The following BBX variants were observed in gnomAD, a reference collection of about 807,000 sequenced individuals.
BBX encodes BBX high mobility group box domain containing.
A neutral mutation model predicts 100.2 loss-of-function variants in BBX; 30 were observed. That is an observed-to-expected ratio of 0.30 (90% CI 0.22 to 0.41). The LOEUF (loss-of-function observed/expected upper bound fraction) is 0.41, where lower values mean the gene tolerates loss of function less well. Among genes scored for constraint, BBX ranks in the 10% least tolerant of loss-of-function variants. The pLI, the probability that BBX is intolerant of heterozygous loss-of-function variation, is 1.00. For missense variants in BBX, 1,023 were observed against 1,129.8 expected (o/e 0.91, Z 1.35); for synonymous variants, 376 against 388.1 (o/e 0.97, Z 0.37).
At chr3:107,747,225 G>T (rs1576614837) in intron 8 of BBX, among the ~76,000 whole-genome samples, 1 of 151,052 alleles carries the variant, frequency 6.6e-6, no homozygotes, top group African/African-American at 2.5e-5. Context: ...ACACTAACGT[G>T]TGAGTGTGTG....
At chr3:107,564,296 T>C (rs1417421040) in intron 2 of BBX, among the ~76,000 whole-genome samples, 1 of 152,164 alleles carries the variant, frequency 6.6e-6, no homozygotes, top group African/African-American at 2.4e-5. Context: ...TTTGACTATA[T>C]GTATGTATGT....
rs561067253 is a variant in BBX at position 107,654,634 on chromosome 3, T to G, written c.-10+8725T>G. 3.9e-5 allele frequency among the ~76,000 whole-genome samples: 6 copies of G among 152,316 alleles called. No homozygotes were observed. The South Asian group carries it at 1.0e-3, about 26-fold the overall frequency. Reference sequence around the variant, plus strand: ...GGTAGGCAGAAACTTAAGCGTTTCCTTATAGGAGACAGATCTAAATGGATC... The same window carrying G: ...GGTAGGCAGAAACTTAAGCGTTTCCGTATAGGAGACAGATCTAAATGGATC... On this transcript the variant is annotated intron_variant, in intron 3 of 17. Coordinates refer to ENST00000325805, the MANE Select transcript of BBX (RefSeq NM_001142568.3).
rs138961599 is a variant in BBX at position 107,773,045 on chromosome 3, G to T, written c.1324G>T (p.Ala442Ser). The T allele has an allele frequency of 2.9e-5, 47 of 1,613,738 alleles. 2 individuals carry two copies. In the Admixed American group the frequency reaches 7.8e-4, roughly 27 times the overall value. Residue 442 changes from alanine (A) to serine (S), a missense_variant, in exon 11 of 18, where the codon GCA becomes TCA. Physicochemically the swap from Ala to Ser is moderately conservative, Grantham distance 99. Coordinates refer to ENST00000325805, the MANE Select transcript of BBX (RefSeq NM_001142568.3). The surrounding 1 kb of genome is among the most constrained non-coding windows in gnomAD (Gnocchi z 4.1). The stretch of plus-strand genomic sequence containing the variant: ...TGGAATTATGATCATTGAGGATCCC[G>T]CAGCATTAAACAAGCCAGAAAAGCT... ...PHGIMIIEDP[A>S]ALNKPEKLKK...
intron 5 of BBX, 71 bp from the exon 6 acceptor site, chr3:107,728,694 G>C (rs913937750): frequency 1.5e-6 from 2 of 1,361,872 alleles, no homozygotes; most frequent in Middle Eastern, 1.9e-4. Flanking sequence ...TAGGGGAATG[G>C]GGTGACAGCC....
At chr3:107,696,890 G>T (rs10433376) in intron 3 of BBX, among the ~76,000 whole-genome samples, 1 of 151,072 alleles carries the variant, frequency 6.6e-6, no homozygotes, top group Admixed American at 6.6e-5. Context: ...GGAGGCTTTG[G>T]TCGTTTCTTT....
At chr3:107,613,247 G>T (rs191210124) in intron 2 of BBX, among the ~76,000 whole-genome samples, 4 of 150,206 alleles carry the variant, frequency 2.7e-5, no homozygotes, top group Non-Finnish European at 5.9e-5. Flanking sequence ...GAGTGCAGTG[G>T]CGCATCTCGG....
intron 3 of BBX, among the ~76,000 whole-genome samples, chr3:107,659,011 A>G (rs2058298697): frequency 6.6e-6 from 1 of 152,102 alleles, no homozygotes; most frequent in Non-Finnish European, 1.5e-5. Context: ...GTGCCTTATT[A>G]CTTTCCTCCC....
At chr3:107,736,374 A>G (rs1576567107) in intron 7 of BBX, among the ~76,000 whole-genome samples, 1 of 152,074 alleles carries the variant, frequency 6.6e-6, no homozygotes, top group African/African-American at 2.4e-5. Context: ...AACGGAGATG[A>G]CAGCCTCTCT....
intron 2 of BBX, among the ~76,000 whole-genome samples, chr3:107,537,181 A>T (rs1415404018): frequency 6.6e-6 from 1 of 152,234 alleles, no homozygotes; most frequent in Non-Finnish European, 1.5e-5. Flanking sequence ...TTAAAATTAT[A>T]TTTCAGTCAG....
At chr3:107,722,301 GTTTCAGATGTTAA>G (rs1364054486) in intron 5 of BBX, among the ~76,000 whole-genome samples, 2 of 151,850 alleles carry the variant, frequency 1.3e-5, no homozygotes, top group Non-Finnish European at 2.9e-5. Context: ...TTGGTATTTG[GTTTCAGATGTTAA>G]TTTTTAGATT....
At chr3:107,654,383 T>C (rs764370640) in intron 3 of BBX, among the ~76,000 whole-genome samples, 12 of 152,178 alleles carry the variant, frequency 7.9e-5, no homozygotes, top group Non-Finnish European at 1.5e-4. Flanking sequence ...AGTAGAAGTG[T>C]TTCAATCATG....
intron 4 of BBX, 129 bp downstream of exon 4, chr3:107,710,751 T>TA (rs1310977533): frequency 2.4e-6 from 2 of 820,454 alleles, no homozygotes; most frequent in African/African-American, 3.5e-5. Context: ...CCTATTCAAT[T>TA]ACTTAGTTTA....
intron 4 of BBX, among the ~76,000 whole-genome samples, chr3:107,716,269 T>G (rs2107370170): frequency 6.6e-6 from 1 of 152,300 alleles, no homozygotes; most frequent in South Asian, 2.1e-4. Flanking sequence ...GACATTGAGC[T>G]AGGCACTATG....
At chr3:107,782,846 G>A (rs1456478085) in intron 13 of BBX, among the ~76,000 whole-genome samples, 1 of 152,008 alleles carries the variant, frequency 6.6e-6, no homozygotes, top group East Asian at 1.9e-4. Context: ...TTTTCATAAG[G>A]AAGCTGAAGC....
chr3:107,753,081 T>C (rs1301223881), intron 9 of BBX, among the ~76,000 whole-genome samples: 1 of 151,992 alleles, frequency 6.6e-6, no homozygotes, highest in Non-Finnish European at 1.5e-5. Context: ...GGGATTATTA[T>C]GGAAAGAAGA....
intron 13 of BBX, among the ~76,000 whole-genome samples, chr3:107,782,149 T>C (rs2067960180): frequency 6.6e-6 from 1 of 152,112 alleles, no homozygotes; most frequent in Non-Finnish European, 1.5e-5. Flanking sequence ...TGATACAATT[T>C]TGAGTTCCTT....
Position 107,770,184 on chromosome 3 carries a change from G to A in BBX, c.907-2444G>A, listed in dbSNP as rs183346319. Among the ~76,000 whole-genome samples the A allele has an allele frequency of 6.4e-4, 97 of 152,238 alleles. 1 individual carries two copies. Among genetic ancestry groups the A allele is most frequent in the Non-Finnish European group, 1.1e-3 (76 of 68,020 alleles). On this transcript the variant is annotated intron_variant, in intron 10 of 17. Coordinates refer to ENST00000325805, the MANE Select transcript of BBX (RefSeq NM_001142568.3). The stretch of plus-strand genomic sequence containing the variant: ...TAGAATCCTTTCAGGGGTGATGAGA[G>A]AATCATTTTGAAATATATTGAAGCC...
intron 2 of BBX, among the ~76,000 whole-genome samples, chr3:107,624,315 C>G (rs1281559587): frequency 6.6e-6 from 1 of 152,112 alleles, no homozygotes; most frequent in Non-Finnish European, 1.5e-5. Context: ...ACTTTCTTTG[C>G]TGTGCTCATC....
At chr3:107,642,128 T>G (rs2057249725) in intron 2 of BBX, among the ~76,000 whole-genome samples, 1 of 152,216 alleles carries the variant, frequency 6.6e-6, no homozygotes, top group South Asian at 2.1e-4. Flanking sequence ...AACATCATTT[T>G]CAGTACTACA....
Sources: allele counts gnomAD v4.1 joint callset (sites outside exome capture counted in the v4.1 genomes callset), GRCh38; gene constraint gnomAD v4.1.1; non-coding constraint Gnocchi (gnomAD v3.1); transcripts MANE v1.5; gene names NCBI Gene and HGNC (gene_info 2026-07-23, HGNC 2026-07-21).